The following SNX1 variants were observed in gnomAD, a reference collection of about 807,000 sequenced individuals.
SNX1 encodes sorting nexin-1.
In SNX1, 36 loss-of-function variants were observed where a neutral mutation model predicts 71.8. The ratio of observed to expected loss-of-function variants is 0.50; its 90% confidence interval spans 0.38 to 0.66. The LOEUF (loss-of-function observed/expected upper bound fraction) is 0.66. Among genes scored for constraint, SNX1 ranks in the 30% least tolerant of loss-of-function variants. The pLI is 0.00. For missense variants in SNX1, 612 were observed against 646.7 expected, an observed-to-expected ratio of 0.95 and a Z score of 0.58; for synonymous variants, 254 against 240.7, an observed-to-expected ratio of 1.06 and a Z score of -0.51.
At chr15:64,106,917 G>A (rs903480785) in intron 1 of SNX1, among the ~76,000 whole-genome samples, 1 of 152,208 alleles carries the variant, frequency 6.6e-6, no homozygotes, top group African/African-American at 2.4e-5. Flanking sequence ...TGTTTAAACT[G>A]TTAAATTTGT....
Position 64,131,764 on chromosome 15 carries a change from C to T in SNX1, c.1093C>T (p.Arg365Trp), listed in dbSNP as rs1417654266. The T allele has an allele frequency of 1.3e-5, 21 of 1,614,204 alleles. No homozygotes were observed. Among genetic ancestry groups the T allele is most frequent in the Admixed American group, 5.0e-5 (3 of 60,024 alleles). The change falls in exon 11 of 15, where the codon CGG becomes TGG. Residue 365 changes from arginine to tryptophan, a missense_variant. Arg to Trp is a moderately radical substitution (Grantham distance 101). Transcript: ENST00000559844. ...GSSEDNTALS[R>W]ALSQLAEVEE... ...CTCTGAGGACAACACGGCATTGTCA[C>T]GGGCACTCTCCCAGCTGGCTGAGGT...
chr15:64,097,240 A>G (rs1015970911), intron 1 of SNX1, among the ~76,000 whole-genome samples: 2 of 152,144 alleles, frequency 1.3e-5, no homozygotes, highest in African/African-American at 4.8e-5. Flanking sequence ...GACGTGGTGG[A>G]TGGGGAGGGT....
intron 10 of SNX1, among the ~76,000 whole-genome samples, chr15:64,130,948 A>C (rs1377068075): frequency 6.6e-6 from 1 of 152,006 alleles, no homozygotes; most frequent in Non-Finnish European, 1.5e-5. Flanking sequence ...ATGAGGGGAG[A>C]AAAGAATCTG....
intron 1 of SNX1, among the ~76,000 whole-genome samples, chr15:64,098,898 G>A (rs1421221893): frequency 2.0e-5 from 3 of 152,008 alleles, no homozygotes; most frequent in South Asian, 2.1e-4. Context: ...ATTTAGATAT[G>A]ATCTAGGAAA....
At position 64,137,622 on chromosome 15, in the gene SNX1, A is replaced by G; in HGVS notation, c.*4A>G. ...TGAGGCAAAGGCCATCTCCTAATGG[A>G]CCAAGGACCCCAGAGCCCACCTGTG... On this transcript the variant is annotated 3_prime_UTR_variant, in exon 15 of 15. Coordinates refer to ENST00000559844, the MANE Select transcript of SNX1 (RefSeq NM_003099.5). 1 of 1,614,144 alleles carries G rather than the reference A, an allele frequency of 6.2e-7. No individual in the cohort carries two copies. The highest frequency in any genetic ancestry group is 2.2e-5 in the East Asian group (1 of 44,884).
chr15:64,143,061 T>A lies in SNX1; in HGVS notation c.*5443T>A, dbSNP rs1428662766. 1 of 181,144 alleles carries A rather than the reference T, an allele frequency of 5.5e-6. No homozygotes were observed. 11.2% of individuals were successfully genotyped at this position (181,144 alleles called of 1,614,324 possible). ...GGGAAGCCCATAGACTTCAAGGACA[T>A]CAAGCCCCAAGGTGGTGGGATTTTC... On this transcript the variant is annotated 3_prime_UTR_variant, in exon 15 of 15. Transcript: ENST00000559844.
chr15:64,113,248 G>C (rs1203732177), intron 2 of SNX1, among the ~76,000 whole-genome samples: 1 of 152,210 alleles, frequency 6.6e-6, no homozygotes, highest in East Asian at 1.9e-4. Context: ...GTATAGGACA[G>C]TTTCTCAACC....
chr15:64,108,910 C>T (rs2081050101), intron 1 of SNX1, among the ~76,000 whole-genome samples: 1 of 151,694 alleles, frequency 6.6e-6, no homozygotes, highest in Non-Finnish European at 1.5e-5. Context: ...ATTGCTTGAA[C>T]CTCAGAGGTA....
intron 1 of SNX1, among the ~76,000 whole-genome samples, chr15:64,104,272 GTT>G (rs34006143): frequency 1.1e-4 from 13 of 123,326 alleles, no homozygotes; most frequent in South Asian, 2.6e-4. Flanking sequence ...GGAGTAAAGG[GTT>G]TTTTTTTTTT....
chr15:64,120,892 C>T (rs1433160514), intron 4 of SNX1, among the ~76,000 whole-genome samples: 1 of 152,020 alleles, frequency 6.6e-6, no homozygotes, highest in African/African-American at 2.4e-5. Context: ...TTACTTTTCC[C>T]AGACTGTTGG....
intron 12 of SNX1, among the ~76,000 whole-genome samples, chr15:64,135,601 A>T (rs2081350795): frequency 1.3e-5 from 2 of 151,556 alleles, no homozygotes; most frequent in South Asian, 4.2e-4. Flanking sequence ...ACTAAAAAAA[A>T]TACAAAAATT....
At position 64,119,737 on chromosome 15, in the gene SNX1, A is replaced by AAC. The variant is rs1555491445; in HGVS notation, c.466+899_466+900dup. On this transcript the variant is annotated intron_variant, in intron 4 of 14. Transcript: ENST00000559844. ...AGACTGTGTCTTAAAAAAAAAAAAA[A>AAC]ACACACACACACACACAAAAAACAT... Among the ~76,000 whole-genome samples the AAC allele has an allele frequency of 4.6e-3, 647 of 141,054 alleles. 19 individuals carry two copies. The highest frequency in any genetic ancestry group is 0.012 in the East Asian group (57 of 4,684). 92.5% of individuals were successfully genotyped at this position (141,054 alleles called of 152,430 possible).
At chr15:64,128,814 T>C (rs2081278459) in intron 8 of SNX1, among the ~76,000 whole-genome samples, 1 of 152,164 alleles carries the variant, frequency 6.6e-6, no homozygotes, top group South Asian at 2.1e-4. Context: ...GGTTGTCCTA[T>C]GCATTGTAGA....
At chr15:64,120,657 A>G (rs1342262083) in intron 4 of SNX1, among the ~76,000 whole-genome samples, 1 of 152,072 alleles carries the variant, frequency 6.6e-6, no homozygotes, top group African/African-American at 2.4e-5. Context: ...ACAAAAAGTA[A>G]AAAATTAGCC....
chr15:64,142,721 G>C lies in SNX1; in HGVS notation c.*5103G>C. The C allele has an allele frequency of 2.2e-6, 1 of 456,076 alleles. No individual in the cohort carries two copies. Among genetic ancestry groups the C allele is most frequent in the Non-Finnish European group, 4.4e-6 (1 of 226,798 alleles). The allele number at this position is 456,076 out of a possible 1,614,324, so 28.3% of individuals were successfully genotyped here. On this transcript the variant is annotated 3_prime_UTR_variant, in exon 15 of 15. Transcript: ENST00000559844. Reference sequence around the variant, plus strand: ...TGGCTAGTTCAGCGTTTGGGCTCCGGAGTGCTGAAGATGAGGACTGGACTT... The same window carrying C: ...TGGCTAGTTCAGCGTTTGGGCTCCGCAGTGCTGAAGATGAGGACTGGACTT...
At chr15:64,111,138 A>C (rs1466708001) in intron 1 of SNX1, among the ~76,000 whole-genome samples, 1 of 152,254 alleles carries the variant, frequency 6.6e-6, no homozygotes, top group East Asian at 1.9e-4. Context: ...GTACTGTACA[A>C]GAGTGTAGGA....
chr15:64,136,299 A>G (rs763582807), intron 12 of SNX1, 31 bp from the exon 13 acceptor site: 13 of 1,543,892 alleles, frequency 8.4e-6, no homozygotes, highest in Admixed American at 1.7e-5. Context: ...CCATAATATG[A>G]GGTGATCCTT....
rs1036986421 is a variant in SNX1 at position 64,139,164 on chromosome 15, A to G, written c.*1546A>G. 1 of 152,178 alleles carries G rather than the reference A, an allele frequency of 6.6e-6. No homozygotes were observed. Among genetic ancestry groups the G allele is most frequent in the Non-Finnish European group, 1.5e-5 (1 of 68,040 alleles). 9.4% of individuals were successfully genotyped at this position (152,178 alleles called of 1,614,324 possible). A position where few individuals can be genotyped will look rare whatever the true frequency, so the allele number is the denominator to read the frequency against. ...CTTGCTTTTACATAGTTGTAATAAT[A>G]TACACATAAAGTATTTTGTATCCTG... On this transcript the variant is annotated 3_prime_UTR_variant, in exon 15 of 15. Coordinates refer to ENST00000559844, the MANE Select transcript of SNX1 (RefSeq NM_003099.5).
chr15:64,127,159 T>TAA lies in SNX1; in HGVS notation c.653-13_653-12dup. 6.3e-7 allele frequency: 1 copy of TAA among 1,593,930 alleles called. No individual in the cohort carries two copies. The highest frequency in any genetic ancestry group is 8.6e-7 in the Non-Finnish European group (1 of 1,166,080). On this transcript the variant is annotated splice_polypyrimidine_tract_variant and intron_variant, in intron 6 of 14. Coordinates refer to ENST00000559844, the MANE Select transcript of SNX1 (RefSeq NM_003099.5). ...GATGATTTATGGTTATTTTGCTTTT[T>TAA]AAATTCCATTCTAGGGATGACAAAA...
Sources: allele counts gnomAD v4.1 joint callset (sites outside exome capture counted in the v4.1 genomes callset), GRCh38; gene constraint gnomAD v4.1.1; transcripts MANE v1.5; gene names NCBI Gene and HGNC (gene_info 2026-07-23, HGNC 2026-07-21).